Variants in PTPRD observed in about 807,000 individuals in gnomAD.
PTPRD encodes protein tyrosine phosphatase receptor type D.
A neutral mutation model predicts 214.5 loss-of-function variants in PTPRD; 34 were observed. That is an observed-to-expected ratio of 0.16 (90% CI 0.12 to 0.21). The LOEUF is 0.21. Ranked by LOEUF, PTPRD falls within the 10% of genes least tolerant of loss-of-function variation. The pLI, the probability that PTPRD is intolerant of heterozygous loss-of-function variation, is 1.00. For synonymous variants in PTPRD, 1,128 were observed against 845.7 expected (o/e 1.33, Z -5.79); for missense variants, 2,545 against 2,398.7 (o/e 1.06, Z -1.27).
At chr9:10,525,392 C>T (rs1373956995) in intron 2 of PTPRD, among the ~76,000 whole-genome samples, 1 of 151,900 alleles carries the variant, frequency 6.6e-6, no homozygotes, top group African/African-American at 2.4e-5. Context: ...TAATCTTGCT[C>T]AGAGTACTTT....
intron 12 of PTPRD, among the ~76,000 whole-genome samples, chr9:8,664,714 C>G (rs1236276514): frequency 1.3e-5 from 2 of 152,230 alleles, no homozygotes; most frequent in African/African-American, 4.8e-5. Context: ...TATCCCCACA[C>G]TACACTATTC....
intron 5 of PTPRD, among the ~76,000 whole-genome samples, chr9:9,793,704 T>A (rs1313357861): frequency 6.6e-6 from 1 of 152,006 alleles, no homozygotes; most frequent in Non-Finnish European, 1.5e-5. Flanking sequence ...TATATTATTT[T>A]AGAAAAAAAA....
At chr9:8,779,687 T>A (rs1297356382) in intron 11 of PTPRD, among the ~76,000 whole-genome samples, 1 of 152,152 alleles carries the variant, frequency 6.6e-6, no homozygotes, top group Non-Finnish European at 1.5e-5. Flanking sequence ...ATCAGCACGG[T>A]AAACAAGCTT....
intron 18 of PTPRD, among the ~76,000 whole-genome samples, chr9:8,524,469 C>G (rs1022887862): frequency 6.6e-6 from 1 of 152,104 alleles, no homozygotes; most frequent in African/African-American, 2.4e-5. Flanking sequence ...CAGCTTTATC[C>G]TTACAGTTTC....
At chr9:10,593,212 G>A (rs761058952) in intron 2 of PTPRD, among the ~76,000 whole-genome samples, 1 of 151,910 alleles carries the variant, frequency 6.6e-6, no homozygotes, top group African/African-American at 2.4e-5. Context: ...AAACACCTGG[G>A]GATCTTGTTA....
In PTPRD at chr9:8,633,408, T is replaced by C. The variant is rs1424080449; in HGVS notation, c.261A>G (p.Leu87=). The change falls in exon 14 of 46, where the codon TTA becomes TTG. Residue 87 remains leucine, a synonymous_variant. Transcript: ENST00000381196. ...GSGSVLRIQP[L]RTPRDEAIYE... is the part of the protein sequence containing the mutation. ...AAATGGCCTCATCCCTCGGAGTCCG[T>C]AAGGGTTGTATTCTGAGAACTGATC... The C allele has an allele frequency of 1.2e-6, 2 of 1,612,802 alleles. No individual in the cohort carries two copies. Among genetic ancestry groups the C allele is most frequent in the Admixed American group, 1.7e-5 (1 of 59,928 alleles).
chr9:9,162,022 A>G (rs2099890382), intron 10 of PTPRD, among the ~76,000 whole-genome samples: 1 of 152,132 alleles, frequency 6.6e-6, no homozygotes, highest in African/African-American at 2.4e-5. Context: ...TAAGGGATTC[A>G]GCATTTTCAA....
At chr9:10,357,358 A>G (rs1444476193) in intron 2 of PTPRD, among the ~76,000 whole-genome samples, 14 of 152,192 alleles carry the variant, frequency 9.2e-5, no homozygotes, top group Non-Finnish European at 1.5e-5. Flanking sequence ...GTTCCTTGAT[A>G]ATAATTGGCA....
chr9:8,544,829 C>T (rs897587289), intron 14 of PTPRD, among the ~76,000 whole-genome samples: 1 of 150,608 alleles, frequency 6.6e-6, no homozygotes, highest in Non-Finnish European at 1.5e-5. Context: ...ACATAAGTTG[C>T]ATGATTTCTC....
At chr9:10,403,605 G>C (rs972436839) in intron 2 of PTPRD, among the ~76,000 whole-genome samples, 23 of 151,340 alleles carry the variant, frequency 1.5e-4, no homozygotes, top group African/African-American at 5.3e-4. Context: ...TCCAGCAAGT[G>C]AGCTCCTAGA....
At chr9:8,416,867 T>G (rs944893535) in intron 35 of PTPRD, among the ~76,000 whole-genome samples, 3 of 151,984 alleles carry the variant, frequency 2.0e-5, no homozygotes, top group African/African-American at 7.2e-5. Flanking sequence ...ATAAAGAAAT[T>G]GAGGCATAGA....
At chr9:9,642,574 AGC>A (rs1367709305) in intron 7 of PTPRD, among the ~76,000 whole-genome samples, 1 of 151,996 alleles carries the variant, frequency 6.6e-6, no homozygotes, top group Non-Finnish European at 1.5e-5. Context: ...CAGATATGAA[AGC>A]TCTCTCCCTC....
At chr9:10,075,183 C>T (rs987295254) in intron 3 of PTPRD, among the ~76,000 whole-genome samples, 1 of 151,988 alleles carries the variant, frequency 6.6e-6, no homozygotes, top group Non-Finnish European at 1.5e-5. Context: ...TTGCTGAGTA[C>T]TTGCAATAAC....
At chr9:10,058,923 T>A (rs544386536) in intron 3 of PTPRD, among the ~76,000 whole-genome samples, 1 of 152,262 alleles carries the variant, frequency 6.6e-6, no homozygotes, top group South Asian at 2.1e-4. Flanking sequence ...TAGGATAATA[T>A]CTGGTTCTCT....
In PTPRD at chr9:9,217,052, T is replaced by C. The variant is rs185420891; in HGVS notation, c.-202-33689A>G. ...TTAAGAAATGCCAGTGTTAACATTT[T>C]TTTTAATCCTTAAGACTAGTCAGAC... On this transcript the variant is annotated intron_variant, in intron 9 of 45. Coordinates refer to ENST00000381196, the MANE Select transcript of PTPRD (RefSeq NM_002839.4). Among the ~76,000 whole-genome samples, 50 of 152,286 alleles carry C rather than the reference T, an allele frequency of 3.3e-4. No individual in the cohort carries two copies. The East Asian group carries it at 9.3e-3, about 28-fold the overall frequency.
chr9:10,231,932 G>A (rs74780768), intron 3 of PTPRD, among the ~76,000 whole-genome samples: 9,135 of 148,832 alleles, frequency 0.061, 300 homozygotes, highest in Middle Eastern at 0.098. Flanking sequence ...TCCCAAGACT[G>A]TATTAGTTCT....
chr9:8,921,825 A>G lies in PTPRD; in HGVS notation c.-104+96872T>C, dbSNP rs547110929. The stretch of plus-strand genomic sequence containing the variant: ...TAAATTTTGATGTGGTAAGTCCAGC[A>G]TAATCTTGGGGGAGCCATTGCAATT... On this transcript the variant is annotated intron_variant, in intron 11 of 45. Transcript: ENST00000381196. Among the ~76,000 whole-genome samples, 4 of 152,304 alleles carry G rather than the reference A, an allele frequency of 2.6e-5. No individual in the cohort carries two copies. In the South Asian group the frequency reaches 8.3e-4, roughly 32 times the overall value.
intron 11 of PTPRD, among the ~76,000 whole-genome samples, chr9:8,866,527 C>A (rs115420657): frequency 6.6e-6 from 1 of 152,218 alleles, no homozygotes; most frequent in African/African-American, 2.4e-5. Flanking sequence ...TAAAAAAAAC[C>A]TCAGTGGTTC....
At chr9:10,481,542 T>C (rs1159734846) in intron 2 of PTPRD, among the ~76,000 whole-genome samples, 2 of 152,146 alleles carry the variant, frequency 1.3e-5, no homozygotes. Flanking sequence ...ATTTGCCTGA[T>C]TTGTGTGTTA....
Sources: allele counts gnomAD v4.1 joint callset (sites outside exome capture counted in the v4.1 genomes callset), GRCh38; gene constraint gnomAD v4.1.1; transcripts MANE v1.5; gene names NCBI Gene and HGNC (gene_info 2026-07-23, HGNC 2026-07-21).